The following NCAPD3 variants were observed in gnomAD, a reference collection of about 807,000 sequenced individuals.
NCAPD3 encodes non-SMC condensin II complex subunit D3.
NCAPD3 carries 105 observed loss-of-function variants against 182.9 expected under a neutral mutation model. The observed-to-expected ratio is 0.57, with a 90% CI of 0.49 to 0.68. NCAPD3 has a LOEUF of 0.68. Ranked by LOEUF, NCAPD3 falls within the 30% of genes least tolerant of loss-of-function variation. The probability of loss-of-function intolerance (pLI) is 0.00; values close to 1 mark genes in which losing one functional copy is unlikely to be tolerated. For missense variants in NCAPD3, 1,944 were observed against 1,837.0 expected (o/e 1.06, Z -1.07); for synonymous variants, 815 against 679.9 (o/e 1.20, Z -3.09).
At chr11:134,162,194 A>C (rs1943602058) in intron 27 of NCAPD3, among the ~76,000 whole-genome samples, 4 of 152,222 alleles carry the variant, frequency 2.6e-5, no homozygotes. Flanking sequence ...AAATCTCCAC[A>C]GAAGACCCTG....
At chr11:134,199,302 C>G (rs1187719176) in intron 13 of NCAPD3, among the ~76,000 whole-genome samples, 1 of 152,128 alleles carries the variant, frequency 6.6e-6, no homozygotes, top group Admixed American at 6.5e-5. Context: ...AGAGAAAAAG[C>G]TCTGTCTATC....
chr11:134,167,361 G>A (rs1239944101), intron 27 of NCAPD3, among the ~76,000 whole-genome samples: 1 of 101,568 alleles, frequency 9.8e-6, no homozygotes, highest in Admixed American at 9.6e-5. Context: ...ATGAGCTTGG[G>A]GGAGGCGCAC....
Position 134,150,485 on chromosome 11 carries a change from G to A in NCAPD3, c.*2459C>T, listed in dbSNP as rs1378033583. On this transcript the variant is annotated 3_prime_UTR_variant, in exon 35 of 35. Coordinates refer to ENST00000534548, the MANE Select transcript of NCAPD3 (RefSeq NM_015261.3). ...GCCCTGGCAGTGGCTGTGTCCCAGTGAGCTTTACTCACGTGGCCCTTGCTT... is the reference window on the plus strand; with the variant it reads ...GCCCTGGCAGTGGCTGTGTCCCAGTAAGCTTTACTCACGTGGCCCTTGCTT... The A allele has an allele frequency of 6.6e-6, 1 of 152,222 alleles. No homozygotes were observed. The highest frequency in any genetic ancestry group is 1.5e-5 in the Non-Finnish European group (1 of 68,040). 9.4% of individuals were successfully genotyped at this position (152,222 alleles called of 1,614,324 possible). A position where few individuals can be genotyped will look rare whatever the true frequency, so the allele number is the denominator to read the frequency against.
Position 134,204,235 on chromosome 11 carries a change from T to C in NCAPD3, c.1090-64A>G, listed in dbSNP as rs2136012279. 1.9e-6 allele frequency: 3 copies of C among 1,568,838 alleles called. No homozygotes were observed. Among genetic ancestry groups the C allele is most frequent in the Admixed American group, 3.5e-5 (2 of 56,356 alleles). On this transcript the variant is annotated intron_variant, in intron 9 of 34. Coordinates refer to ENST00000534548, the MANE Select transcript of NCAPD3 (RefSeq NM_015261.3). This position sits in a 1 kb window ranked among gnomAD's most constrained non-coding sequence, Gnocchi z 4.3. ...CCCGCAGGATGGCTGAAACATATTC[T>C]GTAATATAAGTTGAAAGTCAGTGAG...
chr11:134,162,610 C>T (rs617971), intron 27 of NCAPD3, among the ~76,000 whole-genome samples: 1 of 152,138 alleles, frequency 6.6e-6, no homozygotes, highest in Non-Finnish European at 1.5e-5. Flanking sequence ...GTAAACTACT[C>T]ATTTCTAAAA....
chr11:134,178,000 C>T (rs1384141787), intron 22 of NCAPD3: 2 of 151,708 alleles, frequency 1.3e-5, no homozygotes, highest in Admixed American at 6.6e-5. Context: ...TGAAAAATAA[C>T]TAATATTACA....
rs1435868084 is a variant in NCAPD3, at chr11:134,187,466, C to T, written c.2046-1940G>A. 1.3e-5 allele frequency among the ~76,000 whole-genome samples: 2 copies of T among 152,180 alleles called. 1 individual carries two copies. The highest frequency in any genetic ancestry group is 1.3e-4 in the Admixed American group (2 of 15,274). ...CAGCACTCCCTCTGTCCTCAACCTG[C>T]CCGACTTCTGCTCTCCACACCTCAG... On this transcript the variant is annotated intron_variant, in intron 16 of 34. Transcript: ENST00000534548.
chr11:134,166,078 T>C (rs1473637334), intron 27 of NCAPD3, among the ~76,000 whole-genome samples: 1 of 29,332 alleles, frequency 3.4e-5, no homozygotes, highest in African/African-American at 1.8e-4. Flanking sequence ...CACACTCACT[T>C]GTGAGATGAG....
chr11:134,197,134 T>C (rs1944648440), intron 13 of NCAPD3, among the ~76,000 whole-genome samples: 1 of 152,120 alleles, frequency 6.6e-6, no homozygotes, highest in Non-Finnish European at 1.5e-5. Context: ...GAAACGCCTG[T>C]TCCCTTTTGG....
intron 28 of NCAPD3, among the ~76,000 whole-genome samples, chr11:134,161,131 A>G (rs1458589553): frequency 6.6e-6 from 1 of 152,094 alleles, no homozygotes. Flanking sequence ...AAATTGTAGC[A>G]TTTTTTTGAG....
chr11:134,195,735 G>A (rs191082391), intron 13 of NCAPD3, among the ~76,000 whole-genome samples: 1 of 152,120 alleles, frequency 6.6e-6, no homozygotes, highest in Non-Finnish European at 1.5e-5. Context: ...GAATGGCATT[G>A]TTTTAGAGTT....
chr11:134,184,326 C>G (rs1944354047), intron 19 of NCAPD3, among the ~76,000 whole-genome samples: 1 of 152,198 alleles, frequency 6.6e-6, no homozygotes, highest in African/African-American at 2.4e-5. Context: ...GAGTGGAAGT[C>G]AAGGAGAAAG....
At chr11:134,219,823 G>A (rs1484074855) in intron 2 of NCAPD3, among the ~76,000 whole-genome samples, 1 of 152,104 alleles carries the variant, frequency 6.6e-6, no homozygotes, top group Non-Finnish European at 1.5e-5. Context: ...GTGAGACAGA[G>A]TCTTGCTCTG....
chr11:134,151,464 C>G lies in NCAPD3; in HGVS notation c.*1480G>C, dbSNP rs943667369. ...TGATAGGGTAGCCTTATTGCCCCCT[C>G]TTCTTATACCCTAAAACCTTCTACA... is the stretch of plus-strand genomic sequence containing the variant. On this transcript the variant is annotated 3_prime_UTR_variant, in exon 35 of 35. Transcript: ENST00000534548. 3.0e-4 allele frequency: 45 copies of G among 152,216 alleles called. No homozygotes were observed. Among genetic ancestry groups the G allele is most frequent in the African/African-American group, 1.1e-3 (44 of 41,444 alleles). 9.4% of individuals were successfully genotyped at this position (152,216 alleles called of 1,614,324 possible).
Position 134,194,161 on chromosome 11 carries a change from T to C in NCAPD3, c.1690-11A>G, listed in dbSNP as rs760642863. The C allele has an allele frequency of 4.5e-5, 72 of 1,612,870 alleles. No homozygotes were observed. Among genetic ancestry groups the C allele is most frequent in the Admixed American group, 4.0e-4 (24 of 59,880 alleles). On this transcript the variant is annotated splice_polypyrimidine_tract_variant and intron_variant, in intron 14 of 34. Transcript: ENST00000534548. Reference sequence around the variant, plus strand: ...AATACTCACTAATACCTAGAAGGCATAGACGCAACATGAACTGTTAACTGC... The same window carrying C: ...AATACTCACTAATACCTAGAAGGCACAGACGCAACATGAACTGTTAACTGC...
chr11:134,160,350 A>G (rs1344123528), intron 28 of NCAPD3, among the ~76,000 whole-genome samples: 1 of 152,182 alleles, frequency 6.6e-6, no homozygotes, highest in Non-Finnish European at 1.5e-5. Context: ...CACTGGCCAC[A>G]CAAGCAGAAA....
At chr11:134,222,119 T>G (rs1318893658) in intron 1 of NCAPD3, among the ~76,000 whole-genome samples, 2 of 152,196 alleles carry the variant, frequency 1.3e-5, no homozygotes, top group African/African-American at 4.8e-5. Flanking sequence ...GTCTTCAGTG[T>G]TGATTGTTGA....
chr11:134,192,755 C>T lies in NCAPD3; in HGVS notation c.1979G>A (p.Gly660Glu). 4 of 1,614,194 alleles carry T rather than the reference C, an allele frequency of 2.5e-6. No individual in the cohort carries two copies. Among genetic ancestry groups the T allele is most frequent in the Non-Finnish European group, 2.5e-6 (3 of 1,180,040 alleles). ...CCAGGCGAGGACCTGGCTGTCGTCCCCAGAGTGAAAATGACTGTGATGCCG... is the reference window on the plus strand; with the variant it reads ...CCAGGCGAGGACCTGGCTGTCGTCCTCAGAGTGAAAATGACTGTGATGCCG... ...NIRHHSHFHS[G>E]DDSQVLAWAL... is the part of the protein sequence containing the mutation. The change falls in exon 16 of 35, where the codon GGG (glycine) becomes GAG (glutamate). Residue 660 changes from glycine to glutamate, a missense_variant. This residue lies in a region of NCAPD3 where 1,803 missense variants were observed against 1,674.6 expected (regional missense o/e 1.08). Coordinates refer to ENST00000534548, the MANE Select transcript of NCAPD3 (RefSeq NM_015261.3).
At chr11:134,172,792 C>T (rs1456823348) in intron 24 of NCAPD3, among the ~76,000 whole-genome samples, 3 of 152,048 alleles carry the variant, frequency 2.0e-5, no homozygotes, top group African/African-American at 7.2e-5. Flanking sequence ...AATCCCAGCA[C>T]TTTGGGAGGC....
Sources: gnomAD v4.1 joint callset for allele counts (sites outside exome capture counted in the v4.1 genomes callset) on GRCh38, gnomAD v4.1.1 for gene constraint, gnomAD v4.1.1 regional missense constraint, Gnocchi (gnomAD v3.1) non-coding constraint, MANE v1.5 for transcripts, NCBI Gene and HGNC (gene_info 2026-07-23, HGNC 2026-07-21) for gene names.